Variants in PSPH observed in about 807,000 individuals in gnomAD.
The protein encoded by PSPH is L-3-phosphoserine phosphatase.
PSPH carries 16 observed loss-of-function variants against 23.4 expected under a neutral mutation model. The ratio of observed to expected loss-of-function variants is 0.68; its 90% confidence interval spans 0.46 to 1.04. The LOEUF (loss-of-function observed/expected upper bound fraction) is 1.04, where lower values mean the gene tolerates loss of function less well. Ranked by LOEUF, PSPH falls within the 50% of genes least tolerant of loss-of-function variation. The pLI is 0.00. For synonymous variants in PSPH, 68 were observed against 99.7 expected, an observed-to-expected ratio of 0.68 and a Z score of 1.89; for missense variants, 223 against 273.7, an observed-to-expected ratio of 0.81 and a Z score of 1.31.
chr7:56,020,936 T>C, intron 4 of PSPH, 137 bp downstream of exon 4: 1 of 944,542 alleles, frequency 1.1e-6, no homozygotes, highest in Non-Finnish European at 1.6e-6. Flanking sequence ...TGAATGAATA[T>C]GTCAAATTCA....
intron 4 of PSPH, 151 bp from the exon 5 acceptor site, chr7:56,019,885 A>T (rs1789107345): frequency 1.1e-6 from 1 of 945,780 alleles, no homozygotes; most frequent in Non-Finnish European, 1.6e-6. Flanking sequence ...CTAGGAGAGC[A>T]AGGCCTTGGA....
Position 56,019,500 on chromosome 7 carries a change from C to G in PSPH, c.275+100G>C, listed in dbSNP as rs950162463. On this transcript the variant is annotated intron_variant, in intron 5 of 7. Coordinates refer to ENST00000275605, the MANE Select transcript of PSPH (RefSeq NM_004577.4). The stretch of plus-strand genomic sequence containing the variant: ...AAAAATGAAAATGAAAATAAATAAA[C>G]CACCCAGAGGGCACTCTAAAGGAAT... 3 of 1,399,250 alleles carry G rather than the reference C, an allele frequency of 2.1e-6. No homozygotes were observed. The African/African-American group carries it at 4.3e-5, about 20-fold the overall frequency. The allele number at this position is 1,399,250 out of a possible 1,614,324, so 86.7% of individuals were successfully genotyped here. A position where few individuals can be genotyped will look rare whatever the true frequency, so the allele number is the denominator to read the frequency against.
At chr7:56,043,502 A>ATAAG (rs1193808473) in intron 1 of PSPH, among the ~76,000 whole-genome samples, 1 of 151,710 alleles carries the variant, frequency 6.6e-6, no homozygotes. Flanking sequence ...AAATAAATAA[A>ATAAG]TAAATAAATA....
At chr7:56,037,654 T>C (rs1791898663) in intron 1 of PSPH, among the ~76,000 whole-genome samples, 1 of 152,054 alleles carries the variant, frequency 6.6e-6, no homozygotes, top group Non-Finnish European at 1.5e-5. Context: ...TGTGATCCAC[T>C]TTACCCAGCT....
At chr7:56,013,964 C>G (rs1447294677) in intron 7 of PSPH, among the ~76,000 whole-genome samples, 2 of 151,828 alleles carry the variant, frequency 1.3e-5, no homozygotes, top group Admixed American at 6.6e-5. Flanking sequence ...TCTGCCTCTA[C>G]CAAAAACACA....
intron 3 of PSPH, among the ~76,000 whole-genome samples, chr7:56,023,546 A>T (rs1789760185): frequency 6.6e-6 from 1 of 152,096 alleles, no homozygotes; most frequent in African/African-American, 2.4e-5. Context: ...TACAGGCATG[A>T]GCCCCCATGC....
At chr7:56,021,624 A>G (rs1175845674) in intron 3 of PSPH, among the ~76,000 whole-genome samples, 1 of 139,108 alleles carries the variant, frequency 7.2e-6, no homozygotes, top group African/African-American at 2.7e-5. Context: ...TTTTTTTTCT[A>G]CCTAATTGTA....
intron 1 of PSPH, among the ~76,000 whole-genome samples, chr7:56,034,870 T>C (rs1294804621): frequency 6.6e-6 from 1 of 151,646 alleles, no homozygotes; most frequent in Non-Finnish European, 1.5e-5. Context: ...AATGAGAGTC[T>C]TTGCACCTTA....
chr7:56,016,391 G>A (rs1340793312), intron 6 of PSPH, among the ~76,000 whole-genome samples: 1 of 119,152 alleles, frequency 8.4e-6, no homozygotes, highest in African/African-American at 3.1e-5. Flanking sequence ...GCAATAGAGT[G>A]AGACCCTGTC....
intron 1 of PSPH, among the ~76,000 whole-genome samples, chr7:56,038,635 G>C (rs1792055977): frequency 6.6e-6 from 1 of 151,958 alleles, no homozygotes; most frequent in Non-Finnish European, 1.5e-5. Context: ...AGGAGTTCAA[G>C]ACCACCCTGG....
chr7:56,035,415 C>T (rs1468241930), intron 1 of PSPH, among the ~76,000 whole-genome samples: 4 of 152,158 alleles, frequency 2.6e-5, no homozygotes, highest in African/African-American at 7.2e-5. Context: ...AGGGGTGTTT[C>T]CCCCAAACAT....
chr7:56,024,324 A>G lies in PSPH; in HGVS notation c.-19-3093T>C, dbSNP rs1030269665. 2.7e-5 allele frequency among the ~76,000 whole-genome samples: 4 copies of G among 150,436 alleles called. No homozygotes were observed. The East Asian group carries it at 7.9e-4, about 30-fold the overall frequency. ...ACTCCTGGGCTCAAGTGAACCTTCC[A>G]TCATGGCCTCTTGAGTAGCTGGGAC... is the stretch of plus-strand genomic sequence containing the variant. On this transcript the variant is annotated intron_variant, in intron 3 of 7. Coordinates refer to ENST00000275605, the MANE Select transcript of PSPH (RefSeq NM_004577.4).
At chr7:56,020,025 T>A (rs530361656) in intron 4 of PSPH, among the ~76,000 whole-genome samples, 5 of 152,272 alleles carry the variant, frequency 3.3e-5, no homozygotes, top group Admixed American at 2.6e-4. Flanking sequence ...GAGACCAGCC[T>A]GGTCAACATG....
chr7:56,030,634 C>T (rs1790848886), intron 3 of PSPH, among the ~76,000 whole-genome samples: 1 of 152,078 alleles, frequency 6.6e-6, no homozygotes, highest in East Asian at 1.9e-4. Flanking sequence ...TGCGGTGGCT[C>T]ACAGCTGTAA....
chr7:56,022,129 A>G (rs1407300819), intron 3 of PSPH, among the ~76,000 whole-genome samples: 4 of 152,080 alleles, frequency 2.6e-5, no homozygotes, highest in Non-Finnish European at 5.9e-5. Flanking sequence ...GGAGTTCAAG[A>G]CCAGCGTGGG....
chr7:56,018,616 C>A (rs977652308), intron 5 of PSPH, among the ~76,000 whole-genome samples: 1 of 151,932 alleles, frequency 6.6e-6, no homozygotes, highest in Non-Finnish European at 1.5e-5. Context: ...CACTTGAGGC[C>A]AGGAGCTTGA....
At chr7:56,034,263 A>C (rs1791424250) in intron 1 of PSPH, 157 bp from the exon 2 acceptor site, 1 of 152,208 alleles carries the variant, frequency 6.6e-6, no homozygotes. Flanking sequence ...CCGGGGGCTC[A>C]GCCCCTGCAG....
At chr7:56,020,485 C>T (rs900523351) in intron 4 of PSPH, among the ~76,000 whole-genome samples, 5 of 149,398 alleles carry the variant, frequency 3.3e-5, no homozygotes, top group African/African-American at 1.2e-4. Context: ...ATTAGCCGAG[C>T]GTGGTGGCAT....
chr7:56,011,906 T>TTCTA (rs751160132), intron 7 of PSPH, 37 bp from the exon 8 acceptor site: 2 of 1,503,738 alleles, frequency 1.3e-6, no homozygotes. Flanking sequence ...TGATTTTTAT[T>TTCTA]TTTATTTATT....
Sources: gnomAD v4.1 joint callset for allele counts (sites outside exome capture counted in the v4.1 genomes callset) on GRCh38, gnomAD v4.1.1 for gene constraint, MANE v1.5 for transcripts, NCBI Gene and HGNC (gene_info 2026-07-23, HGNC 2026-07-21) for gene names.